THSD7B: variants seen among roughly 807,000 people sequenced by gnomAD.
THSD7B encodes thrombospondin type 1 domain containing 7B.
A neutral mutation model predicts 213.6 loss-of-function variants in THSD7B; 138 were observed. The ratio of observed to expected loss-of-function variants is 0.65; its 90% CI spans 0.56 to 0.74. The LOEUF (loss-of-function observed/expected upper bound fraction) is 0.74, where lower values mean the gene tolerates loss of function less well. THSD7B is among the 30% of genes least tolerant of loss of function. The probability of loss-of-function intolerance (pLI) is 0.00; values close to 1 mark genes in which losing one functional copy is unlikely to be tolerated. For synonymous variants in THSD7B, 742 were observed against 687.0 expected, an observed-to-expected ratio of 1.08 and a Z score of -1.25; for missense variants, 1,931 against 1,991.5, an observed-to-expected ratio of 0.97 and a Z score of 0.58.
At chr2:137,464,256 A>C (rs1404387152) in intron 15 of THSD7B, among the ~76,000 whole-genome samples, 2 of 152,070 alleles carry the variant, frequency 1.3e-5, no homozygotes, top group Admixed American at 6.6e-5. Flanking sequence ...TATACTACTC[A>C]GTTCCCACAA....
chr2:137,040,809 G>A (rs1452369594), intron 2 of THSD7B, among the ~76,000 whole-genome samples: 1 of 152,122 alleles, frequency 6.6e-6, no homozygotes, highest in Non-Finnish European at 1.5e-5. Flanking sequence ...CATCTGTCTT[G>A]AACAGAATAA....
chr2:136,952,768 G>A (rs1458745878), intron 2 of THSD7B, among the ~76,000 whole-genome samples: 4 of 152,018 alleles, frequency 2.6e-5, no homozygotes, highest in Non-Finnish European at 5.9e-5. Context: ...AAGTACATAG[G>A]CCTTGAGATT....
At chr2:137,353,626 T>C (rs914964668) in intron 12 of THSD7B, among the ~76,000 whole-genome samples, 3 of 152,150 alleles carry the variant, frequency 2.0e-5, no homozygotes, top group Non-Finnish European at 2.9e-5. Flanking sequence ...GTGTTCATGC[T>C]TGGCATTCTT....
intron 12 of THSD7B, among the ~76,000 whole-genome samples, chr2:137,318,081 AC>A (rs1684169275): frequency 6.6e-6 from 1 of 152,210 alleles, no homozygotes; most frequent in African/African-American, 2.4e-5. Context: ...CATTATATTA[AC>A]AGAAAATCTA....
intron 4 of THSD7B, among the ~76,000 whole-genome samples, chr2:137,099,753 T>A (rs1033631168): frequency 6.6e-6 from 1 of 152,170 alleles, no homozygotes; most frequent in Admixed American, 6.6e-5. Context: ...GTAAAACTCT[T>A]AAGAAAATCT....
intron 2 of THSD7B, among the ~76,000 whole-genome samples, chr2:137,026,241 C>T (rs953974935): frequency 2.6e-5 from 4 of 152,152 alleles, no homozygotes; most frequent in Non-Finnish European, 5.9e-5. Context: ...TATGAAGATT[C>T]TCTGCTTTTC....
At chr2:137,322,381 G>A (rs924026446) in intron 12 of THSD7B, among the ~76,000 whole-genome samples, 8 of 152,198 alleles carry the variant, frequency 5.3e-5, no homozygotes, top group Non-Finnish European at 1.2e-4. Context: ...CACATAGCAT[G>A]GAGCCTGACA....
At chr2:136,890,122 G>A (rs889214839) in intron 2 of THSD7B, among the ~76,000 whole-genome samples, 3 of 151,914 alleles carry the variant, frequency 2.0e-5, no homozygotes, top group African/African-American at 2.4e-5. Flanking sequence ...TTCTGATCCC[G>A]ACTTTTTGCA....
intron 1 of THSD7B, among the ~76,000 whole-genome samples, chr2:136,860,847 G>T (rs1683247646): frequency 6.6e-6 from 1 of 152,254 alleles, no homozygotes; most frequent in South Asian, 2.1e-4. Flanking sequence ...ACAGTGGACT[G>T]TAAGGGCCCT....
chr2:137,385,457 C>T (rs933531001), intron 12 of THSD7B, among the ~76,000 whole-genome samples: 1 of 152,150 alleles, frequency 6.6e-6, no homozygotes, highest in Non-Finnish European at 1.5e-5. Context: ...AGCCCATGCT[C>T]CCCCACTCAG....
intron 14 of THSD7B, among the ~76,000 whole-genome samples, chr2:137,443,115 A>G (rs1687454717): frequency 6.6e-6 from 1 of 152,122 alleles, no homozygotes; most frequent in African/African-American, 2.4e-5. Context: ...TTTGTCTCTA[A>G]TATCCTCAAT....
At chr2:137,511,176 T>C (rs901106550) in intron 15 of THSD7B, among the ~76,000 whole-genome samples, 10 of 152,238 alleles carry the variant, frequency 6.6e-5, no homozygotes, top group African/African-American at 2.2e-4. Context: ...TCTTTATCTG[T>C]ATTTTTTATT....
intron 12 of THSD7B, among the ~76,000 whole-genome samples, chr2:137,350,654 A>C (rs540596059): frequency 6.1e-4 from 93 of 151,492 alleles, no homozygotes; most frequent in South Asian, 1.2e-3. Flanking sequence ...GTGGAGAATG[A>C]GGTGGGGAGG....
chr2:137,428,539 AT>A (rs1172011480), intron 14 of THSD7B, among the ~76,000 whole-genome samples: 4 of 152,052 alleles, frequency 2.6e-5, no homozygotes, highest in South Asian at 2.1e-4. Flanking sequence ...AAACAACCCA[AT>A]TTTTTTTCTG....
At chr2:136,976,419 G>A (rs1173665180) in intron 2 of THSD7B, among the ~76,000 whole-genome samples, 3 of 152,088 alleles carry the variant, frequency 2.0e-5, no homozygotes, top group East Asian at 3.8e-4. Flanking sequence ...TGGATCTATT[G>A]AGATAACCCC....
chr2:137,557,726 G>T (rs899323009), intron 15 of THSD7B, among the ~76,000 whole-genome samples: 23 of 152,160 alleles, frequency 1.5e-4, no homozygotes, highest in African/African-American at 4.1e-4. Flanking sequence ...GAGCAGAACT[G>T]AAGGACATAG....
intron 15 of THSD7B, among the ~76,000 whole-genome samples, chr2:137,523,242 C>T (rs1400446747): frequency 6.6e-6 from 1 of 152,156 alleles, no homozygotes; most frequent in African/African-American, 2.4e-5. Flanking sequence ...TTTATTTGCT[C>T]ATATAGTCTT....
chr2:136,904,945 G>A (rs558738257), intron 2 of THSD7B, among the ~76,000 whole-genome samples: 2 of 152,162 alleles, frequency 1.3e-5, no homozygotes, highest in South Asian at 2.1e-4. Context: ...ATGTTGGAGC[G>A]GTACAGCCTC....
intron 2 of THSD7B, among the ~76,000 whole-genome samples, chr2:136,892,399 G>C (rs958404241): frequency 1.3e-5 from 2 of 152,150 alleles, no homozygotes; most frequent in African/African-American, 4.8e-5. Flanking sequence ...GGGCTGTTAT[G>C]TAAGAAGGGA....
Sources: allele counts gnomAD v4.1 joint callset (sites outside exome capture counted in the v4.1 genomes callset), GRCh38; gene constraint gnomAD v4.1.1; transcripts MANE v1.5; gene names NCBI Gene and HGNC (gene_info 2026-07-23, HGNC 2026-07-21).